The following NUP85 variants were observed in gnomAD, a reference collection of about 807,000 sequenced individuals.
NUP85 encodes nuclear pore complex protein Nup85.
A neutral mutation model predicts 92.8 loss-of-function variants in NUP85; 23 were observed. The ratio of observed to expected loss-of-function variants is 0.25; its 90% confidence interval spans 0.18 to 0.35. The LOEUF is 0.35. Among genes scored for constraint, NUP85 ranks in the 10% least tolerant of loss-of-function variants. The pLI is 1.00. For synonymous variants in NUP85, 314 were observed against 306.9 expected (o/e 1.02, Z -0.24); for missense variants, 759 against 822.8 (o/e 0.92, Z 0.95).
intron 11 of NUP85, among the ~76,000 whole-genome samples, chr17:75,230,657 C>T (rs2076017610): frequency 6.6e-6 from 1 of 152,188 alleles, no homozygotes; most frequent in African/African-American, 2.4e-5. Context: ...CCGCGCCCGG[C>T]CAACAACATG....
At chr17:75,212,247 GTTTTTTT>G (rs1219393857) in intron 4 of NUP85, among the ~76,000 whole-genome samples, 185 bp downstream of exon 4, 2 of 3,672 alleles carry the variant, frequency 5.4e-4, no homozygotes, top group African/African-American at 6.9e-4. Context: ...TTTTGTTGTT[GTTTTTTT>G]TTTTTTTTTT....
chr17:75,217,790 C>G (rs189425908), intron 6 of NUP85, among the ~76,000 whole-genome samples: 79 of 152,324 alleles, frequency 5.2e-4, no homozygotes, highest in Admixed American at 3.7e-3. Context: ...TCCAGGTGTG[C>G]ACCACCAGCC....
Position 75,235,699 on chromosome 17 carries a change from T to G in NUP85, c.*20T>G, listed in dbSNP as rs748160104. On this transcript the variant is annotated 3_prime_UTR_variant, in exon 19 of 19. Transcript: ENST00000245544. ...TCCTGAGAACTGCTTCAATGTGGTA[T>G]CTTTGTATGGCAATGTATATAGATT... is the stretch of plus-strand genomic sequence containing the variant. The G allele has an allele frequency of 6.6e-7, 1 of 1,515,938 alleles. No individual in the cohort carries two copies. Among genetic ancestry groups the G allele is most frequent in the Non-Finnish European group, 9.1e-7 (1 of 1,094,294 alleles). 93.9% of individuals were successfully genotyped at this position (1,515,938 alleles called of 1,614,324 possible).
At position 75,225,562 on chromosome 17, in the gene NUP85, G is replaced by C. The variant is rs531797747; in HGVS notation, c.855+98G>C. 1.9e-6 allele frequency: 3 copies of C among 1,571,144 alleles called. No individual in the cohort carries two copies. The South Asian group carries it at 3.6e-5, about 19-fold the overall frequency. ...AGGAGCTTGGTCCTCCTTGGATAGGGCTGTCTGTCGCTCTGCCGTGATGGC... is the reference window on the plus strand; with the variant it reads ...AGGAGCTTGGTCCTCCTTGGATAGGCCTGTCTGTCGCTCTGCCGTGATGGC... On this transcript the variant is annotated intron_variant, in intron 9 of 18. Coordinates refer to ENST00000245544, the MANE Select transcript of NUP85 (RefSeq NM_024844.5).
intron 11 of NUP85, chr17:75,228,967 A>G: frequency 4.1e-6 from 4 of 985,460 alleles, no homozygotes; most frequent in Non-Finnish European, 4.8e-6. Flanking sequence ...GGAGTCCTCC[A>G]CAGGGTCCCT....
In NUP85 at chr17:75,231,140, G is replaced by A. The variant is rs2076041394; in HGVS notation, c.1095-200G>A. The A allele has an allele frequency of 2.4e-5, 14 of 584,190 alleles. No homozygotes were observed. In the South Asian group the frequency reaches 2.6e-4, roughly 11 times the overall value. 36.2% of individuals were successfully genotyped at this position (584,190 alleles called of 1,614,324 possible). A position where few individuals can be genotyped will look rare whatever the true frequency, so the allele number is the denominator to read the frequency against. On this transcript the variant is annotated intron_variant, in intron 11 of 18. Coordinates refer to ENST00000245544, the MANE Select transcript of NUP85 (RefSeq NM_024844.5). This position sits in a 1 kb window ranked among gnomAD's most constrained non-coding sequence, Gnocchi z 4.6. ...GATGGGGTTTTGCCATGTTGCCCAGGCTGGTCTTAAATTCCTGGACTCAGG... is the reference window on the plus strand; with the variant it reads ...GATGGGGTTTTGCCATGTTGCCCAGACTGGTCTTAAATTCCTGGACTCAGG...
intron 7 of NUP85, among the ~76,000 whole-genome samples, chr17:75,218,978 A>G (rs8072834): frequency 0.91 from 139,046 of 152,054 alleles, 64,570 homozygotes; most frequent in Non-Finnish European, 1. Flanking sequence ...GAGCTTGCAC[A>G]TTACTTTGGA....
In NUP85 at chr17:75,231,087, A is replaced by G. The variant is rs2076038677; in HGVS notation, c.1095-253A>G. ...GCTGGGATTACAGGTGTGTGCCACCATGCCTGGCTAATTTTTGTATTTGTA... is the reference window on the plus strand; with the variant it reads ...GCTGGGATTACAGGTGTGTGCCACCGTGCCTGGCTAATTTTTGTATTTGTA... On this transcript the variant is annotated intron_variant, in intron 11 of 18. Transcript: ENST00000245544. The surrounding 1 kb of genome is among the most constrained non-coding windows in gnomAD (Gnocchi z 4.6). The G allele has an allele frequency of 2.2e-6, 1 of 455,176 alleles. No homozygotes were observed. The highest frequency in any genetic ancestry group is 4.1e-6 in the Non-Finnish European group (1 of 245,114). 28.2% of individuals were successfully genotyped at this position (455,176 alleles called of 1,614,324 possible).
chr17:75,209,729 A>G (rs571865289), intron 2 of NUP85, 94 bp from the exon 3 acceptor site: 70 of 1,026,522 alleles, frequency 6.8e-5, no homozygotes, highest in Admixed American at 5.2e-4. Context: ...GGCAAGAGCC[A>G]CCATGCCCGG....
chr17:75,209,100 A>T (rs181814359), intron 2 of NUP85, among the ~76,000 whole-genome samples: 1 of 152,098 alleles, frequency 6.6e-6, no homozygotes, highest in Non-Finnish European at 1.5e-5. Context: ...TTCATGAAAA[A>T]TTTTCTTCAT....
At chr17:75,229,776 A>G (rs573117926) in intron 11 of NUP85, among the ~76,000 whole-genome samples, 46 of 152,274 alleles carry the variant, frequency 3.0e-4, no homozygotes, top group African/African-American at 1.1e-3. Flanking sequence ...TTGGGAAGAC[A>G]CCGGGCACTG....
At chr17:75,234,577 G>A (rs1385379305) in intron 16 of NUP85, 60 bp from the exon 17 acceptor site, 1 of 1,580,146 alleles carries the variant, frequency 6.3e-7, no homozygotes, top group Non-Finnish European at 8.7e-7. Context: ...ACTTTTGTAG[G>A]TGTCACTTGG....
chr17:75,205,727 T>C lies in NUP85; in HGVS notation c.-35T>C. The C allele has an allele frequency of 1.2e-6, 2 of 1,614,020 alleles. No homozygotes were observed. Among genetic ancestry groups the C allele is most frequent in the Non-Finnish European group, 1.7e-6 (2 of 1,179,930 alleles). Reference sequence around the variant, plus strand: ...GAGGCCTGAGCGGGAAGCATTGGCGTCCGAGCGACTTCTAGGAGCCTGGGG... The same window carrying C: ...GAGGCCTGAGCGGGAAGCATTGGCGCCCGAGCGACTTCTAGGAGCCTGGGG... On this transcript the variant is annotated 5_prime_UTR_variant, in exon 1 of 19. Coordinates refer to ENST00000245544, the MANE Select transcript of NUP85 (RefSeq NM_024844.5).
chr17:75,225,374 G>A lies in NUP85; in HGVS notation c.765G>A (p.Glu255=). The A allele has an allele frequency of 1.9e-6, 3 of 1,614,242 alleles. No homozygotes were observed. Among genetic ancestry groups the A allele is most frequent in the Non-Finnish European group, 2.5e-6 (3 of 1,180,048 alleles). ...ACACCCAGACACTGACAGAGCTGGA[G>A]CTGAAGTGGCAGCACTGGCACGAGG... is the stretch of plus-strand genomic sequence containing the variant. ...PGNTQTLTEL[E]LKWQHWHEEC... Residue 255 remains glutamate, a synonymous_variant, in exon 9 of 19, where the codon GAG becomes GAA. Transcript: ENST00000245544.
In NUP85 at chr17:75,233,889, C is replaced by T. The variant is rs532409594; in HGVS notation, c.1615+731C>T. On this transcript the variant is annotated intron_variant, in intron 16 of 18. Transcript: ENST00000245544. ...CTGGGATTACAGGCGTGAGCCACTGCGCCCCGCCTAATTTTTGTATTTTTA... is the reference window on the plus strand; with the variant it reads ...CTGGGATTACAGGCGTGAGCCACTGTGCCCCGCCTAATTTTTGTATTTTTA... Among the ~76,000 whole-genome samples the T allele has an allele frequency of 4.8e-3, 725 of 151,010 alleles. 8 individuals are homozygous for T. Among genetic ancestry groups the T allele is most frequent in the African/African-American group, 0.016 (673 of 41,168 alleles).
chr17:75,228,107 A>T (rs541898162), intron 11 of NUP85: 1 of 744,356 alleles, frequency 1.3e-6, no homozygotes, highest in African/African-American at 1.9e-5. Flanking sequence ...CTGTGTTATA[A>T]CAGTGAGTGA....
chr17:75,232,783 C>A, intron 14 of NUP85, 68 bp from the exon 15 acceptor site: 1 of 1,427,320 alleles, frequency 7.0e-7, no homozygotes, highest in Non-Finnish European at 9.9e-7. Context: ...ACTCCGGTCC[C>A]CACAGGGCTC....
rs1491003383 is a variant in NUP85 at position 75,231,540 on chromosome 17, G to T, written c.1179-33G>T. On this transcript the variant is annotated intron_variant, in intron 12 of 18. Coordinates refer to ENST00000245544, the MANE Select transcript of NUP85 (RefSeq NM_024844.5). The surrounding 1 kb of genome is among the most constrained non-coding windows in gnomAD (Gnocchi z 4.6). ...AGGGGGCCCTGAACAGGGCAGGCCA[G>T]GAGTCTTGGTCTTTTGTTATGTTTT... The T allele has an allele frequency of 6.2e-7, 1 of 1,613,608 alleles. No homozygotes were observed.
At chr17:75,228,755 G>GGA (rs2075923854) in intron 11 of NUP85, 3 of 985,262 alleles carry the variant, frequency 3.0e-6, no homozygotes, top group Admixed American at 6.2e-5. Flanking sequence ...ATATGAACAT[G>GGA]GAGAAGGGAG....
Sources: allele counts gnomAD v4.1 joint callset (sites outside exome capture counted in the v4.1 genomes callset), GRCh38; gene constraint gnomAD v4.1.1; non-coding constraint Gnocchi (gnomAD v3.1); transcripts MANE v1.5; gene names NCBI Gene and HGNC (gene_info 2026-07-23, HGNC 2026-07-21).